Variants in PRIM2 observed in about 807,000 individuals in gnomAD.
PRIM2 encodes the protein DNA primase subunit 2, also known as DNA primase large subunit.
In PRIM2, 39 loss-of-function variants were observed where a neutral mutation model predicts 67.3. The observed-to-expected ratio is 0.58, with a 90% confidence interval of 0.45 to 0.76. The LOEUF is 0.76. PRIM2 is among the 30% of genes least tolerant of loss of function. PRIM2 has a pLI of 0.00. For synonymous variants in PRIM2, 143 were observed against 198.7 expected (o/e 0.72, Z 2.36); for missense variants, 398 against 598.7 (o/e 0.66, Z 3.50).
intron 10 of PRIM2, among the ~76,000 whole-genome samples, chr6:57,568,636 GA>G (rs1175573694): frequency 2.0e-5 from 3 of 152,206 alleles, no homozygotes; most frequent in African/African-American, 7.2e-5. Context: ...ATTGTCAAAG[GA>G]AAATGTATAG....
intron 8 of PRIM2, among the ~76,000 whole-genome samples, chr6:57,524,924 T>C (rs1326908404): frequency 6.6e-6 from 1 of 152,044 alleles, no homozygotes; most frequent in South Asian, 2.1e-4. Context: ...CCTCAAATTT[T>C]CATGAAAACA....
At chr6:57,564,155 C>G (rs1192471111) in intron 10 of PRIM2, among the ~76,000 whole-genome samples, 2 of 152,140 alleles carry the variant, frequency 1.3e-5, no homozygotes, top group Non-Finnish European at 2.9e-5. Context: ...GTCTCCTTTT[C>G]CCTCTGAAAC....
chr6:57,455,758 T>G (rs1772750289), intron 7 of PRIM2, among the ~76,000 whole-genome samples: 1 of 152,242 alleles, frequency 6.6e-6, no homozygotes, highest in Non-Finnish European at 1.5e-5. Context: ...AGTCTGTGTC[T>G]TTTAATTGGA....
chr6:57,431,419 A>G (rs1201588422), intron 7 of PRIM2, among the ~76,000 whole-genome samples: 3 of 152,120 alleles, frequency 2.0e-5, no homozygotes, highest in African/African-American at 7.2e-5. Context: ...TCGGGAGGCC[A>G]AGGTGGGAGG....
At chr6:57,481,643 G>A (rs1475465477) in intron 7 of PRIM2, among the ~76,000 whole-genome samples, 30 of 151,592 alleles carry the variant, frequency 2.0e-4, no homozygotes, top group African/African-American at 7.0e-4. Flanking sequence ...TGGGTCATAT[G>A]TTAATTGCAT....
chr6:57,445,240 G>T (rs908049876), intron 7 of PRIM2, among the ~76,000 whole-genome samples: 3 of 152,136 alleles, frequency 2.0e-5, no homozygotes, highest in African/African-American at 7.2e-5. Context: ...AATGATTCTA[G>T]GGTATCTCTT....
intron 5 of PRIM2, among the ~76,000 whole-genome samples, chr6:57,338,096 T>A (rs1768324455): frequency 6.6e-6 from 1 of 151,442 alleles, no homozygotes; most frequent in African/African-American, 2.4e-5. Context: ...GCAAATAAAC[T>A]AGAAAATCTA....
At chr6:57,545,461 G>A (rs1186828288) in intron 10 of PRIM2, among the ~76,000 whole-genome samples, 6 of 152,100 alleles carry the variant, frequency 3.9e-5, no homozygotes, top group South Asian at 2.1e-4. Context: ...ATGGAGTTTC[G>A]CTCTTGTTGC....
chr6:57,489,512 GTT>G (rs1773835961), intron 7 of PRIM2, among the ~76,000 whole-genome samples: 3 of 141,776 alleles, frequency 2.1e-5, no homozygotes, highest in South Asian at 4.5e-4. Context: ...AGCCGAGATC[GTT>G]CCACTGCACT....
At chr6:57,298,091 G>A in the PRIM2 span, among the ~76,000 whole-genome samples, 11 of 152,296 alleles carry the variant, frequency 7.2e-5, no homozygotes, top group Non-Finnish European at 1.3e-4. Context: ...GTCTGGTGCC[G>A]TGGCTCATGC....
chr6:57,260,430 T>C, the PRIM2 span, among the ~76,000 whole-genome samples: 1 of 152,222 alleles, frequency 6.6e-6, no homozygotes, highest in African/African-American at 2.4e-5. Flanking sequence ...GTGAAAAATG[T>C]GGTGAATTAT....
chr6:57,228,343 CT>C, the PRIM2 span, among the ~76,000 whole-genome samples: 4 of 152,192 alleles, frequency 2.6e-5, no homozygotes, highest in Admixed American at 2.6e-4. Context: ...AAGTGCCTTC[CT>C]TTGAAATGTG....
intron 7 of PRIM2, among the ~76,000 whole-genome samples, chr6:57,473,361 G>C (rs1773384313): frequency 6.6e-6 from 1 of 152,184 alleles, no homozygotes; most frequent in African/African-American, 2.4e-5. Context: ...CACCATGCCA[G>C]ACTTTGTACT....
chr6:57,391,732 T>G (rs1770352520), intron 7 of PRIM2, among the ~76,000 whole-genome samples: 2 of 152,268 alleles, frequency 1.3e-5, no homozygotes, highest in East Asian at 1.9e-4. Flanking sequence ...GTGCTTGTTT[T>G]TGTACCTGTA....
At chr6:57,612,702 T>C (rs2127494641) in intron 12 of PRIM2, among the ~76,000 whole-genome samples, 1 of 152,260 alleles carries the variant, frequency 6.6e-6, no homozygotes, top group Non-Finnish European at 1.5e-5. Context: ...ACTTTTACTT[T>C]TTTAGAAAAA....
the PRIM2 span, among the ~76,000 whole-genome samples, chr6:57,257,346 AC>A: frequency 6.7e-6 from 1 of 149,254 alleles, no homozygotes; most frequent in Non-Finnish European, 1.5e-5. Flanking sequence ...ATCTCGGCTC[AC>A]CGCAACCTCC....
chr6:57,232,865 T>C, the PRIM2 span, among the ~76,000 whole-genome samples: 1 of 152,176 alleles, frequency 6.6e-6, no homozygotes, highest in South Asian at 2.1e-4. Context: ...ACAAATGGAA[T>C]TGGATGCTTT....
chr6:57,610,403 G>A (rs1275099600), intron 12 of PRIM2, among the ~76,000 whole-genome samples: 2,665 of 152,262 alleles, frequency 0.018, 86 homozygotes, highest in African/African-American at 0.061. Context: ...AAATGTTGGT[G>A]ATCAGAAAAG....
At chr6:57,347,148 C>T (rs1768704960) in intron 5 of PRIM2, among the ~76,000 whole-genome samples, 1 of 152,174 alleles carries the variant, frequency 6.6e-6, no homozygotes, top group Non-Finnish European at 1.5e-5. Flanking sequence ...GAGAATCCTT[C>T]TGTTATCTTG....
Sources: allele counts gnomAD v4.1 joint callset (sites outside exome capture counted in the v4.1 genomes callset), GRCh38; gene constraint gnomAD v4.1.1; transcripts MANE v1.5; gene names NCBI Gene and HGNC (gene_info 2026-07-23, HGNC 2026-07-21).